The following INTS6 variants were observed in gnomAD, a reference collection of about 807,000 sequenced individuals.
The protein encoded by INTS6 is integrator complex subunit 6.
Under a neutral mutation model 104.9 loss-of-function variants are expected in INTS6, and 16 were observed. The observed-to-expected ratio is 0.15, with a 90% CI of 0.10 to 0.23. INTS6 has a LOEUF of 0.23. Among genes scored for constraint, INTS6 ranks in the 10% least tolerant of loss-of-function variants. The pLI, the probability that INTS6 is intolerant of heterozygous loss-of-function variation, is 1.00. For synonymous variants in INTS6, 324 were observed against 358.7 expected, an observed-to-expected ratio of 0.90 and a Z score of 1.09; for missense variants, 584 against 1,062.8, an observed-to-expected ratio of 0.55 and a Z score of 6.26.
intron 4 of INTS6, among the ~76,000 whole-genome samples, chr13:51,400,112 C>T (rs1593709315): frequency 6.6e-6 from 1 of 152,304 alleles, no homozygotes; most frequent in East Asian, 1.9e-4. Context: ...AGGTTGTGCG[C>T]TCCTTATTTG....
chr13:51,394,217 A>ACATATATGC (rs1956294813), intron 5 of INTS6, among the ~76,000 whole-genome samples: 4 of 152,200 alleles, frequency 2.6e-5, no homozygotes, highest in Admixed American at 2.0e-4. Flanking sequence ...AAAAAAAATT[A>ACATATATGC]CATATATGCC....
At chr13:51,442,856 A>C (rs1952823850) in intron 3 of INTS6, 1 of 152,240 alleles carries the variant, frequency 6.6e-6, no homozygotes. Context: ...GGTGCCAAAG[A>C]GGCTGGGGAC....
At chr13:51,335,220 T>C in the INTS6 span, among the ~76,000 whole-genome samples, 2 of 151,964 alleles carry the variant, frequency 1.3e-5, no homozygotes, top group Non-Finnish European at 2.9e-5. Context: ...AGTAAATAGA[T>C]AATGGCCAAA....
At chr13:51,334,918 G>A in the INTS6 span, among the ~76,000 whole-genome samples, 1 of 150,684 alleles carries the variant, frequency 6.6e-6, no homozygotes, top group Middle Eastern at 3.4e-3. Context: ...AGGAGGCAGA[G>A]GTTGCAGTGA....
At chr13:51,350,200 G>A (rs1955390775), downstream of INTS6, among the ~76,000 whole-genome samples, 1 of 152,084 alleles carries the variant, frequency 6.6e-6, no homozygotes, top group Non-Finnish European at 1.5e-5. Flanking sequence ...TGTGCTTTCA[G>A]GTTAGACATC....
intron 2 of INTS6, among the ~76,000 whole-genome samples, chr13:51,451,735 C>A (rs1028996251): frequency 1.3e-5 from 2 of 150,594 alleles, no homozygotes; most frequent in African/African-American, 4.9e-5. Flanking sequence ...GCCGCCGCCG[C>A]CGCCGCCGCC....
intron 3 of INTS6, among the ~76,000 whole-genome samples, chr13:51,432,160 A>C (rs765409597): frequency 1.8e-4 from 27 of 152,142 alleles, no homozygotes; most frequent in Non-Finnish European, 3.2e-4. Context: ...TATGGCCTTT[A>C]GTAATCACAT....
At chr13:51,433,551 T>C (rs745522309) in intron 3 of INTS6, among the ~76,000 whole-genome samples, 23 of 152,252 alleles carry the variant, frequency 1.5e-4, no homozygotes, top group Admixed American at 1.4e-3. Context: ...AGATTAATCA[T>C]ACTTCTAATT....
At chr13:51,383,049 C>G (rs958672964) in intron 9 of INTS6, among the ~76,000 whole-genome samples, 6 of 152,166 alleles carry the variant, frequency 3.9e-5, no homozygotes, top group Non-Finnish European at 1.5e-5. Flanking sequence ...CCACTGCACT[C>G]CAGCCTGGGT....
At chr13:51,417,742 C>G (rs748714438) in intron 4 of INTS6, among the ~76,000 whole-genome samples, 126 of 152,280 alleles carry the variant, frequency 8.3e-4, no homozygotes, top group East Asian at 5.8e-4. Context: ...CAGGCGTGAG[C>G]TACTGCACCC....
intron 7 of INTS6, among the ~76,000 whole-genome samples, chr13:51,386,672 AAATAC>A (rs1156719586): frequency 6.6e-6 from 1 of 152,126 alleles, no homozygotes; most frequent in Non-Finnish European, 1.5e-5. Context: ...ATGATCTCTG[AAATAC>A]AATTCTTATT....
chr13:51,345,349 G>T, the INTS6 span, among the ~76,000 whole-genome samples: 1 of 152,078 alleles, frequency 6.6e-6, no homozygotes, highest in African/African-American at 2.4e-5. Flanking sequence ...AGCAAAATAG[G>T]ATTGGGATGC....
At chr13:51,345,487 G>A in the INTS6 span, among the ~76,000 whole-genome samples, 8 of 151,330 alleles carry the variant, frequency 5.3e-5, no homozygotes, top group African/African-American at 1.5e-4. Flanking sequence ...CCAGCTACTC[G>A]GGGAGGCTGA....
chr13:51,415,841 A>C lies in INTS6; in HGVS notation c.429+14453T>G, dbSNP rs560222713. On this transcript the variant is annotated intron_variant, in intron 4 of 17. Coordinates refer to ENST00000311234, the MANE Select transcript of INTS6 (RefSeq NM_012141.3). ...ACACGGATAAAGCCACGGGAATGAA[A>C]TTGTCCAAGAGTATGTCAGTAAACG... Among the ~76,000 whole-genome samples the C allele has an allele frequency of 2.6e-5, 4 of 152,344 alleles. No individual in the cohort carries two copies. The South Asian group carries it at 8.3e-4, about 32-fold the overall frequency.
intron 13 of INTS6, 64 bp from the exon 14 acceptor site, chr13:51,374,860 T>TTA: frequency 6.5e-7 from 1 of 1,540,796 alleles, no homozygotes. Context: ...TAATGTTTCC[T>TTA]TATATATGAA....
chr13:51,352,964 G>A (rs542427233), downstream of INTS6, among the ~76,000 whole-genome samples: 5 of 152,038 alleles, frequency 3.3e-5, no homozygotes, highest in Admixed American at 1.3e-4. Context: ...ACTTTGTCAT[G>A]GTGAGATTTA....
At chr13:51,394,688 C>T (rs1293811879) in intron 5 of INTS6, among the ~76,000 whole-genome samples, 1 of 152,132 alleles carries the variant, frequency 6.6e-6, no homozygotes, top group Non-Finnish European at 1.5e-5. Flanking sequence ...TGGAACGATA[C>T]TTGGTACACA....
intron 4 of INTS6, among the ~76,000 whole-genome samples, chr13:51,400,192 A>C (rs1956410651): frequency 6.6e-6 from 1 of 152,206 alleles, no homozygotes; most frequent in African/African-American, 2.4e-5. Context: ...ACCCATGTCC[A>C]CAGAAGAACT....
chr13:51,338,980 G>A, the INTS6 span, among the ~76,000 whole-genome samples: 2 of 152,164 alleles, frequency 1.3e-5, no homozygotes, highest in Non-Finnish European at 2.9e-5. Context: ...AAAAATGTAT[G>A]TAATTCTGAA....
Sources: gnomAD v4.1 joint callset for allele counts (sites outside exome capture counted in the v4.1 genomes callset) on GRCh38, gnomAD v4.1.1 for gene constraint, MANE v1.5 for transcripts, NCBI Gene and HGNC (gene_info 2026-07-23, HGNC 2026-07-21) for gene names.